The following LRP1B variants were observed in gnomAD, a reference collection of about 807,000 sequenced individuals.
The protein encoded by LRP1B is LDL receptor related protein 1B, also known as low-density lipoprotein receptor-related protein 1B.
In LRP1B, 217 loss-of-function variants were observed where a neutral mutation model predicts 556.6. The ratio of observed to expected loss-of-function variants is 0.39; its 90% CI spans 0.35 to 0.44. The LOEUF is 0.44. Among genes scored for constraint, LRP1B ranks in the 20% least tolerant of loss-of-function variants. The pLI, the probability that LRP1B is intolerant of heterozygous loss-of-function variation, is 1.00. For synonymous variants in LRP1B, 2,047 were observed against 1,865.8 expected, an observed-to-expected ratio of 1.10 and a Z score of -2.50; for missense variants, 5,053 against 5,620.8, an observed-to-expected ratio of 0.90 and a Z score of 3.23.
At chr2:140,716,590 C>G (rs2105463429) in intron 36 of LRP1B, 92 bp downstream of exon 36, 17 of 1,283,646 alleles carry the variant, frequency 1.3e-5, no homozygotes, top group Non-Finnish European at 1.8e-5. Context: ...AATAAAAGCA[C>G]TGTTATGAGT....
intron 2 of LRP1B, among the ~76,000 whole-genome samples, chr2:141,806,981 T>C (rs1325620422): frequency 6.6e-6 from 1 of 152,122 alleles, no homozygotes; most frequent in Non-Finnish European, 1.5e-5. Flanking sequence ...AGATACAACA[T>C]ACTTTGTCTT....
chr2:141,441,781 G>T (rs1045637067), intron 3 of LRP1B, among the ~76,000 whole-genome samples: 12 of 152,074 alleles, frequency 7.9e-5, no homozygotes, highest in Admixed American at 6.5e-5. Context: ...AACATTGAAC[G>T]CTACAGTCTT....
chr2:141,682,030 A>G (rs1691122618), intron 2 of LRP1B, among the ~76,000 whole-genome samples: 1 of 152,110 alleles, frequency 6.6e-6, no homozygotes, highest in South Asian at 2.1e-4. Context: ...TTTCAGGTTC[A>G]GAGACAGAAA....
intron 1 of LRP1B, among the ~76,000 whole-genome samples, chr2:142,051,664 A>AG: frequency 6.6e-6 from 1 of 151,892 alleles, no homozygotes; most frequent in South Asian, 2.1e-4. Flanking sequence ...TTTAGTAGAG[A>AG]GGGGGTTTCA....
rs576921096 is a variant in LRP1B at position 141,095,332 on chromosome 2, G to A, written c.1014-33059C>T. Among the ~76,000 whole-genome samples, 10 of 64,418 alleles carry A rather than the reference G, an allele frequency of 1.6e-4. No homozygotes were observed. In the East Asian group the frequency reaches 2.8e-3, roughly 18 times the overall value. The allele number at this position is 64,418 out of a possible 152,430, so 42.3% of individuals were successfully genotyped here. On this transcript the variant is annotated intron_variant, in intron 7 of 90. Coordinates refer to ENST00000389484, the MANE Select transcript of LRP1B (RefSeq NM_018557.3). ...TATAAGATGTCAGCCCTAAAAGTAAGCCATGTGATAGGTTCTCTTTAGAGA... is the reference window on the plus strand; with the variant it reads ...TATAAGATGTCAGCCCTAAAAGTAAACCATGTGATAGGTTCTCTTTAGAGA...
intron 35 of LRP1B, among the ~76,000 whole-genome samples, chr2:140,741,601 C>A (rs1688139584): frequency 6.6e-6 from 1 of 151,936 alleles, no homozygotes. Context: ...AGCATAGTAT[C>A]CAATAGGTAG....
intron 15 of LRP1B, among the ~76,000 whole-genome samples, chr2:140,999,606 A>G (rs952244780): frequency 2.9e-4 from 44 of 152,196 alleles, no homozygotes; most frequent in Non-Finnish European, 4.3e-4. Flanking sequence ...TTAGAAATAA[A>G]TACTCTTCTC....
intron 15 of LRP1B, among the ~76,000 whole-genome samples, chr2:140,999,949 T>C (rs1203278509): frequency 6.6e-6 from 1 of 151,988 alleles, no homozygotes; most frequent in Non-Finnish European, 1.5e-5. Flanking sequence ...TCTTGCTCTG[T>C]CACCTAGGCT....
chr2:140,308,093 T>C (rs1230771033), intron 83 of LRP1B, among the ~76,000 whole-genome samples: 1 of 151,786 alleles, frequency 6.6e-6, no homozygotes, highest in Non-Finnish European at 1.5e-5. Flanking sequence ...TCAATCACTA[T>C]TGACACCCAT....
At chr2:141,957,404 G>C (rs532333432) in intron 1 of LRP1B, among the ~76,000 whole-genome samples, 5 of 116,544 alleles carry the variant, frequency 4.3e-5, no homozygotes, top group African/African-American at 1.3e-4. Context: ...GGGCGGGGGG[G>C]TGTACACTCC....
At chr2:140,599,252 A>G (rs1682560748) in intron 42 of LRP1B, among the ~76,000 whole-genome samples, 1 of 152,114 alleles carries the variant, frequency 6.6e-6, no homozygotes, top group Admixed American at 6.6e-5. Context: ...ATTTGCTTCA[A>G]TTGATGAAAA....
chr2:141,938,535 C>G (rs566017299), intron 1 of LRP1B, among the ~76,000 whole-genome samples: 1 of 152,154 alleles, frequency 6.6e-6, no homozygotes, highest in East Asian at 1.9e-4. Flanking sequence ...TATGGAGAGT[C>G]CTCAACAAGC....
At chr2:141,090,072 T>C (rs1453989876) in intron 7 of LRP1B, among the ~76,000 whole-genome samples, 1 of 152,204 alleles carries the variant, frequency 6.6e-6, no homozygotes, top group African/African-American at 2.4e-5. Flanking sequence ...GGAAAGGCTC[T>C]TGGGACCTTC....
At position 141,686,659 on chromosome 2, in the gene LRP1B, T is replaced by A. The variant is rs142012136; in HGVS notation, c.205+123620A>T. Among the ~76,000 whole-genome samples, 5 of 152,108 alleles carry A rather than the reference T, an allele frequency of 3.3e-5. No homozygotes were observed. In the East Asian group the frequency reaches 7.8e-4, roughly 24 times the overall value. On this transcript the variant is annotated intron_variant, in intron 2 of 90. Coordinates refer to ENST00000389484, the MANE Select transcript of LRP1B (RefSeq NM_018557.3). ...AGACAAATCATTCATATATTCCCAA[T>A]CTTATGGTTTGAAGGTCTCCTTCAA...
chr2:141,474,023 C>CCTTT (rs1415845848), intron 3 of LRP1B, among the ~76,000 whole-genome samples: 1 of 107,866 alleles, frequency 9.3e-6, no homozygotes, highest in Non-Finnish European at 2.0e-5. Flanking sequence ...TTCCTTCCTT[C>CCTTT]CTTCCTTCCT....
chr2:140,974,811 A>C (rs1696543265), intron 18 of LRP1B, among the ~76,000 whole-genome samples: 1 of 152,230 alleles, frequency 6.6e-6, no homozygotes, highest in African/African-American at 2.4e-5. Flanking sequence ...AGTACTGCAC[A>C]AGTCAACCTT....
At chr2:141,890,949 T>C (rs1398706848) in intron 1 of LRP1B, among the ~76,000 whole-genome samples, 1 of 152,120 alleles carries the variant, frequency 6.6e-6, no homozygotes, top group Non-Finnish European at 1.5e-5. Context: ...TTGCACCTAT[T>C]CTTTCAATCA....
chr2:140,968,406 T>C (rs1224589176), intron 18 of LRP1B, among the ~76,000 whole-genome samples: 3 of 152,134 alleles, frequency 2.0e-5, no homozygotes, highest in Non-Finnish European at 4.4e-5. Flanking sequence ...TTGTGTCTAT[T>C]TGATTCTTCT....
intron 32 of LRP1B, among the ~76,000 whole-genome samples, chr2:140,779,745 T>C (rs1444931078): frequency 3.5e-5 from 4 of 113,492 alleles, no homozygotes; most frequent in Non-Finnish European, 5.5e-5. Flanking sequence ...TGTCTGTCTC[T>C]CTGTGAGAGA....
Sources: allele counts gnomAD v4.1 joint callset (sites outside exome capture counted in the v4.1 genomes callset), GRCh38; gene constraint gnomAD v4.1.1; transcripts MANE v1.5; gene names NCBI Gene and HGNC (gene_info 2026-07-23, HGNC 2026-07-21).